The following MARCHF4 variants were observed in gnomAD, a reference collection of about 807,000 sequenced individuals.
MARCHF4 encodes the protein E3 ubiquitin-protein ligase MARCHF4.
In MARCHF4, 14 loss-of-function variants were observed where a neutral mutation model predicts 43.9. The observed-to-expected ratio is 0.32, with a 90% CI of 0.21 to 0.50. MARCHF4 has a LOEUF of 0.50. Ranked by LOEUF, MARCHF4 falls within the 20% of genes least tolerant of loss-of-function variation. The pLI, the probability that MARCHF4 is intolerant of heterozygous loss-of-function variation, is 0.98. For missense variants in MARCHF4, 468 were observed against 536.7 expected, an observed-to-expected ratio of 0.87 and a Z score of 1.27; for synonymous variants, 226 against 213.3, an observed-to-expected ratio of 1.06 and a Z score of -0.52.
At chr2:216,339,993 C>A (rs1692211920) in intron 1 of MARCHF4, among the ~76,000 whole-genome samples, 3 of 152,148 alleles carry the variant, frequency 2.0e-5, no homozygotes, top group Admixed American at 6.5e-5. Flanking sequence ...TCCTCCCCAG[C>A]ACCCACCCCC....
At position 216,356,521 on chromosome 2, in the gene MARCHF4, G is replaced by A. The variant is rs574621390; in HGVS notation, c.516+13224C>T. 6.6e-5 allele frequency among the ~76,000 whole-genome samples: 10 copies of A among 152,214 alleles called. 1 individual carries two copies. The highest frequency in any genetic ancestry group is 1.9e-4 in the East Asian group (1 of 5,180). ...TGACAGATAGAGGACACTGAAGTTCGGAGGATTTAATTGATTTGCCTAAAG... is the reference window on the plus strand; with the variant it reads ...TGACAGATAGAGGACACTGAAGTTCAGAGGATTTAATTGATTTGCCTAAAG... On this transcript the variant is annotated intron_variant, in intron 1 of 3. Coordinates refer to ENST00000273067, the MANE Select transcript of MARCHF4 (RefSeq NM_020814.3).
At chr2:216,268,614 A>G (rs1690884702) in intron 3 of MARCHF4, among the ~76,000 whole-genome samples, 2 of 152,202 alleles carry the variant, frequency 1.3e-5, no homozygotes, top group African/African-American at 4.8e-5. Flanking sequence ...AGTCAATTAA[A>G]TCTCTTTCCT....
intron 1 of MARCHF4, among the ~76,000 whole-genome samples, chr2:216,340,659 G>A (rs1323747272): frequency 2.0e-5 from 3 of 152,262 alleles, no homozygotes; most frequent in South Asian, 4.1e-4. Context: ...AGGACTTCAT[G>A]GACAAAAAGG....
chr2:216,322,891 A>G (rs1171522510), intron 1 of MARCHF4, among the ~76,000 whole-genome samples: 1 of 152,198 alleles, frequency 6.6e-6, no homozygotes, highest in Admixed American at 6.5e-5. Context: ...CATTTTGTTG[A>G]ACATGGAAAC....
At chr2:216,339,708 C>T (rs866475935) in intron 1 of MARCHF4, among the ~76,000 whole-genome samples, 8 of 152,132 alleles carry the variant, frequency 5.3e-5, no homozygotes, top group Non-Finnish European at 7.3e-5. Flanking sequence ...TCTGTTCATT[C>T]GTTCATTCAT....
chr2:216,290,671 G>A (rs1049198454), intron 1 of MARCHF4, among the ~76,000 whole-genome samples: 4 of 152,118 alleles, frequency 2.6e-5, no homozygotes, highest in Middle Eastern at 3.2e-3. Flanking sequence ...ATGGTGTTTT[G>A]GACCACTATT....
intron 1 of MARCHF4, among the ~76,000 whole-genome samples, chr2:216,360,807 C>A (rs1692565297): frequency 6.6e-6 from 1 of 152,010 alleles, no homozygotes; most frequent in African/African-American, 2.4e-5. Flanking sequence ...AAATGTTCCA[C>A]CCTGGTGGGA....
At chr2:216,267,635 C>G (rs896113415) in intron 3 of MARCHF4, among the ~76,000 whole-genome samples, 1 of 152,120 alleles carries the variant, frequency 6.6e-6, no homozygotes, top group African/African-American at 2.4e-5. Flanking sequence ...GGTTAGGGAC[C>G]ACACAAGAAA....
intron 1 of MARCHF4, among the ~76,000 whole-genome samples, chr2:216,290,191 G>A (rs182472628): frequency 6.6e-6 from 1 of 152,260 alleles, no homozygotes; most frequent in South Asian, 2.1e-4. Context: ...AGAAAGGAGG[G>A]GGTGAGTTGA....
At chr2:216,296,983 G>A (rs750385108) in intron 1 of MARCHF4, among the ~76,000 whole-genome samples, 35 of 152,206 alleles carry the variant, frequency 2.3e-4, no homozygotes, top group Non-Finnish European at 4.4e-4. Context: ...CCGTGCCAGA[G>A]TCTGCTGGAA....
chr2:216,320,531 CCAAGGCCCA>C (rs771227254), intron 1 of MARCHF4, among the ~76,000 whole-genome samples: 4 of 152,184 alleles, frequency 2.6e-5, no homozygotes, highest in Non-Finnish European at 4.4e-5. Flanking sequence ...CTACCCAATT[CCAAGGCCCA>C]TGTTTTAAGC....
chr2:216,290,846 T>C (rs752116897), intron 1 of MARCHF4, among the ~76,000 whole-genome samples: 3 of 152,096 alleles, frequency 2.0e-5, no homozygotes, highest in Non-Finnish European at 4.4e-5. Flanking sequence ...TTACCTTTAA[T>C]TGAGATGAGA....
intron 1 of MARCHF4, among the ~76,000 whole-genome samples, chr2:216,306,067 G>A (rs1414741656): frequency 6.6e-6 from 1 of 151,724 alleles, no homozygotes; most frequent in East Asian, 1.9e-4. Flanking sequence ...TGTAGAGACT[G>A]TCTGAGTTCA....
chr2:216,363,992 C>A (rs1037635551), intron 1 of MARCHF4, among the ~76,000 whole-genome samples: 1 of 152,108 alleles, frequency 6.6e-6, no homozygotes, highest in Non-Finnish European at 1.5e-5. Context: ...TTCCAACTCC[C>A]GAGCTCAGAA....
intron 3 of MARCHF4, among the ~76,000 whole-genome samples, chr2:216,269,113 T>A (rs1164322437): frequency 6.6e-6 from 1 of 152,170 alleles, no homozygotes; most frequent in Non-Finnish European, 1.5e-5. Context: ...CTCAGGAACA[T>A]TCCTTTCCTT....
intron 2 of MARCHF4, among the ~76,000 whole-genome samples, chr2:216,279,135 T>C (rs930558065): frequency 7.2e-5 from 11 of 152,140 alleles, no homozygotes; most frequent in African/African-American, 2.7e-4. Context: ...GAGCCGGTGA[T>C]AGGGGGATTC....
At chr2:216,286,017 G>C (rs991001600) in intron 1 of MARCHF4, among the ~76,000 whole-genome samples, 1 of 152,154 alleles carries the variant, frequency 6.6e-6, no homozygotes, top group Non-Finnish European at 1.5e-5. Flanking sequence ...AACAAGACCC[G>C]GGCTCTGGTT....
intron 1 of MARCHF4, among the ~76,000 whole-genome samples, chr2:216,288,748 G>A (rs995308630): frequency 1.3e-5 from 2 of 152,088 alleles, no homozygotes; most frequent in African/African-American, 4.8e-5. Context: ...GTGGGAGGGA[G>A]AACAGATGTA....
chr2:216,329,723 C>G (rs879752057), intron 1 of MARCHF4, among the ~76,000 whole-genome samples: 1 of 150,528 alleles, frequency 6.6e-6, no homozygotes, highest in Non-Finnish European at 1.5e-5. Flanking sequence ...AATGAAAATA[C>G]GAATACGGTC....
Sources: allele counts gnomAD v4.1 joint callset (sites outside exome capture counted in the v4.1 genomes callset), GRCh38; gene constraint gnomAD v4.1.1; transcripts MANE v1.5; gene names NCBI Gene and HGNC (gene_info 2026-07-23, HGNC 2026-07-21).